The following PAPPA2 variants were observed in gnomAD, a reference collection of about 807,000 sequenced individuals.
PAPPA2 encodes pappalysin 2, also known as pappalysin-2.
Under a neutral mutation model 176.4 loss-of-function variants are expected in PAPPA2, and 86 were observed. The ratio of observed to expected loss-of-function variants is 0.49; its 90% CI spans 0.41 to 0.58. The LOEUF (loss-of-function observed/expected upper bound fraction) is 0.58, where lower values mean the gene tolerates loss of function less well. Ranked by LOEUF, PAPPA2 falls within the 20% of genes least tolerant of loss-of-function variation. PAPPA2 has a pLI of 0.00. For missense variants in PAPPA2, 2,073 were observed against 2,256.9 expected (o/e 0.92, Z 1.65); for synonymous variants, 809 against 852.2 (o/e 0.95, Z 0.88).
chr1:176,739,678 C>T lies in PAPPA2; in HGVS notation c.3851C>T (p.Thr1284Ile). The T allele has an allele frequency of 6.2e-7, 1 of 1,613,642 alleles. No individual in the cohort carries two copies. Among genetic ancestry groups the T allele is most frequent in the Admixed American group, 1.7e-5 (1 of 59,956 alleles). The change falls in exon 13 of 23, where the codon ACT becomes ATT. Residue 1284 changes from threonine (T) to isoleucine (I), a missense_variant. Coordinates refer to ENST00000367662, the MANE Select transcript of PAPPA2 (RefSeq NM_020318.3). Reference sequence around the variant, plus strand: ...AGAGCAATTTTTATTTTTTTGACAACTGATGGCCTAGTTCCCGGAGAGCAT... The same window carrying T: ...AGAGCAATTTTTATTTTTTTGACAATTGATGGCCTAGTTCCCGGAGAGCAT... Reference protein sequence around the residue: ...EARAIFIFLTTDGLVPGEHQQ... With the variant: ...EARAIFIFLTIDGLVPGEHQQ...
At chr1:176,634,910 A>G (rs1656591604) in intron 3 of PAPPA2, among the ~76,000 whole-genome samples, 2 of 139,458 alleles carry the variant, frequency 1.4e-5, no homozygotes, top group African/African-American at 5.4e-5. Context: ...ACATAGATAC[A>G]TGACAGATAG....
chr1:176,660,008 A>G lies in PAPPA2; in HGVS notation c.1992-10962A>G, dbSNP rs941213445. Among the ~76,000 whole-genome samples, 3 of 151,930 alleles carry G rather than the reference A, an allele frequency of 2.0e-5. No homozygotes were observed. The South Asian group carries it at 6.2e-4, about 32-fold the overall frequency. Reference sequence around the variant, plus strand: ...TTTAAACAATTTTAAGGCTGTCCCCACCCCTGTCATCTAGACTAAATATGC... The same window carrying G: ...TTTAAACAATTTTAAGGCTGTCCCCGCCCCTGTCATCTAGACTAAATATGC... On this transcript the variant is annotated intron_variant, in intron 3 of 22. Transcript: ENST00000367662.
intron 1 of PAPPA2, among the ~76,000 whole-genome samples, chr1:176,515,078 G>A (rs1392361402): frequency 6.6e-6 from 1 of 152,178 alleles, no homozygotes; most frequent in Non-Finnish European, 1.5e-5. Context: ...CACTAGACTA[G>A]TTTTAACATC....
At chr1:176,719,283 G>T (rs1661512305) in intron 12 of PAPPA2, among the ~76,000 whole-genome samples, 1 of 151,518 alleles carries the variant, frequency 6.6e-6, no homozygotes, top group Admixed American at 6.6e-5. Flanking sequence ...AAAAACTAGT[G>T]AAACTAATAT....
At chr1:176,707,769 C>T (rs747668469) in intron 10 of PAPPA2, among the ~76,000 whole-genome samples, 4 of 152,154 alleles carry the variant, frequency 2.6e-5, no homozygotes, top group African/African-American at 4.8e-5. Flanking sequence ...TAATCAAGTG[C>T]GTTTTCCCTG....
chr1:176,601,786 T>C (rs185004226), intron 3 of PAPPA2, among the ~76,000 whole-genome samples: 144 of 152,334 alleles, frequency 9.5e-4, no homozygotes, highest in Non-Finnish European at 1.6e-3. Context: ...CAGGGGAACT[T>C]GTCTTCCCTG....
chr1:176,491,621 T>C (rs746466947), intron 1 of PAPPA2, among the ~76,000 whole-genome samples: 1 of 152,200 alleles, frequency 6.6e-6, no homozygotes, highest in Non-Finnish European at 1.5e-5. Flanking sequence ...ATTGATAAGA[T>C]GTATACATGA....
In PAPPA2 at chr1:176,845,034, G is replaced by T. The variant is rs1047387184; in HGVS notation, c.*2580G>T. 4 of 152,074 alleles carry T rather than the reference G, an allele frequency of 2.6e-5. No homozygotes were observed. The highest frequency in any genetic ancestry group is 9.7e-5 in the African/African-American group (4 of 41,392). The allele number at this position is 152,074 out of a possible 1,614,324, so 9.4% of individuals were successfully genotyped here. A position where few individuals can be genotyped will look rare whatever the true frequency, so the allele number is the denominator to read the frequency against. ...AGCTATAGCTATTCAGAGACAGCAGGTTCTTCCAGTCTTTGTTCCTGGGAC... is the reference window on the plus strand; with the variant it reads ...AGCTATAGCTATTCAGAGACAGCAGTTTCTTCCAGTCTTTGTTCCTGGGAC... On this transcript the variant is annotated 3_prime_UTR_variant, in exon 23 of 23. Transcript: ENST00000367662.
intron 1 of PAPPA2, among the ~76,000 whole-genome samples, chr1:176,538,372 T>C (rs1650186232): frequency 6.6e-6 from 1 of 152,178 alleles, no homozygotes; most frequent in Non-Finnish European, 1.5e-5. Flanking sequence ...TCTCCATGTA[T>C]AGAAGTGGAA....
chr1:176,537,489 A>T (rs1044250557), intron 1 of PAPPA2: 1 of 152,216 alleles, frequency 6.6e-6, no homozygotes, highest in Non-Finnish European at 1.5e-5. Flanking sequence ...AAGACAACAG[A>T]TGCTCAATAA....
chr1:176,679,719 A>G (rs575081964), intron 4 of PAPPA2, among the ~76,000 whole-genome samples: 3 of 152,310 alleles, frequency 2.0e-5, no homozygotes, highest in East Asian at 3.9e-4. Flanking sequence ...CAGCGAGATA[A>G]TATCAGGAAA....
At chr1:176,638,547 T>C (rs1656863572) in intron 3 of PAPPA2, among the ~76,000 whole-genome samples, 1 of 151,994 alleles carries the variant, frequency 6.6e-6, no homozygotes, top group South Asian at 2.1e-4. Context: ...CCCCCATTAT[T>C]TAGGGAAACC....
chr1:176,648,297 C>G (rs2102738613), intron 3 of PAPPA2, among the ~76,000 whole-genome samples: 1 of 151,520 alleles, frequency 6.6e-6, no homozygotes, highest in South Asian at 2.1e-4. Context: ...TATCCTGCAA[C>G]TTTCTGAATT....
At chr1:176,645,207 C>T (rs1230226990) in intron 3 of PAPPA2, among the ~76,000 whole-genome samples, 2 of 151,662 alleles carry the variant, frequency 1.3e-5, no homozygotes, top group Admixed American at 6.6e-5. Context: ...TCAAATTGTA[C>T]ATTTGTACCC....
chr1:176,572,788 G>A (rs987216667), intron 2 of PAPPA2, among the ~76,000 whole-genome samples: 3 of 152,170 alleles, frequency 2.0e-5, no homozygotes, highest in Non-Finnish European at 4.4e-5. Context: ...TTTAGCTGAT[G>A]GATAAACTGA....
intron 21 of PAPPA2, among the ~76,000 whole-genome samples, chr1:176,825,042 G>A (rs1032740785): frequency 1.3e-5 from 2 of 152,090 alleles, no homozygotes; most frequent in African/African-American, 2.4e-5. Context: ...AACCCTGTGT[G>A]GAATTGACTG....
At chr1:176,764,418 C>G (rs1165316774) in intron 14 of PAPPA2, among the ~76,000 whole-genome samples, 1 of 152,138 alleles carries the variant, frequency 6.6e-6, no homozygotes, top group Non-Finnish European at 1.5e-5. Flanking sequence ...TAATTATCCC[C>G]GTCTTATAGG....
intron 1 of PAPPA2, among the ~76,000 whole-genome samples, chr1:176,472,482 A>G (rs1245930121): frequency 6.6e-6 from 1 of 152,164 alleles, no homozygotes; most frequent in Non-Finnish European, 1.5e-5. Context: ...GTCTAGGCTC[A>G]TCTTACATAT....
chr1:176,496,458 T>C (rs987252819), intron 1 of PAPPA2, among the ~76,000 whole-genome samples: 2 of 152,178 alleles, frequency 1.3e-5, no homozygotes, highest in Non-Finnish European at 2.9e-5. Context: ...TTACCTGGTC[T>C]GTGTGGAGGA....
Sources: gnomAD v4.1 joint callset for allele counts (sites outside exome capture counted in the v4.1 genomes callset) on GRCh38, gnomAD v4.1.1 for gene constraint, MANE v1.5 for transcripts, NCBI Gene and HGNC (gene_info 2026-07-23, HGNC 2026-07-21) for gene names.